The following DYNC1I1 variants were observed in gnomAD, a reference collection of about 807,000 sequenced individuals.
The protein encoded by DYNC1I1 is dynein cytoplasmic 1 intermediate chain 1.
A neutral mutation model predicts 86.6 loss-of-function variants in DYNC1I1; 43 were observed. The observed-to-expected ratio is 0.50, with a 90% CI of 0.39 to 0.64. The LOEUF is 0.64. DYNC1I1 is among the 30% of genes least tolerant of loss of function. The pLI is 0.00. For missense variants in DYNC1I1, 604 were observed against 788.8 expected (o/e 0.77, Z 2.81); for synonymous variants, 262 against 283.7 (o/e 0.92, Z 0.77).
intron 6 of DYNC1I1, among the ~76,000 whole-genome samples, chr7:95,923,199 C>A (rs531992982): frequency 2.0e-5 from 3 of 151,980 alleles, no homozygotes; most frequent in Non-Finnish European, 2.9e-5. Flanking sequence ...TCACCATTTT[C>A]TTTAATTATA....
intron 1 of DYNC1I1, among the ~76,000 whole-genome samples, chr7:95,790,231 G>A (rs1794258843): frequency 6.6e-6 from 1 of 152,160 alleles, no homozygotes; most frequent in Admixed American, 6.6e-5. Flanking sequence ...CCTGTGTCCT[G>A]TGTACCTCTT....
At chr7:95,809,202 T>C (rs1794771802) in intron 2 of DYNC1I1, among the ~76,000 whole-genome samples, 1 of 152,152 alleles carries the variant, frequency 6.6e-6, no homozygotes. Flanking sequence ...CAGAGACATA[T>C]GCAAAGATGC....
At chr7:96,067,162 C>T (rs1051859519) in intron 14 of DYNC1I1, among the ~76,000 whole-genome samples, 1 of 152,020 alleles carries the variant, frequency 6.6e-6, no homozygotes, top group Non-Finnish European at 1.5e-5. Context: ...TAGCTATCAC[C>T]GGCATCTAGA....
intron 4 of DYNC1I1, among the ~76,000 whole-genome samples, chr7:95,820,819 C>T (rs1044606974): frequency 3.3e-5 from 5 of 152,242 alleles, no homozygotes; most frequent in African/African-American, 1.2e-4. Flanking sequence ...CTCAAGTGAT[C>T]CTCCTGCCTC....
intron 4 of DYNC1I1, among the ~76,000 whole-genome samples, chr7:95,817,031 A>G (rs1794962321): frequency 6.6e-6 from 1 of 152,078 alleles, no homozygotes; most frequent in Non-Finnish European, 1.5e-5. Flanking sequence ...TCATCCTCAG[A>G]AAGTGGTGAA....
At chr7:95,939,002 G>C (rs962963331) in intron 6 of DYNC1I1, among the ~76,000 whole-genome samples, 4 of 152,044 alleles carry the variant, frequency 2.6e-5, no homozygotes, top group African/African-American at 4.8e-5. Context: ...TTGTGTCTTT[G>C]TTCTCATTGG....
intron 6 of DYNC1I1, among the ~76,000 whole-genome samples, chr7:95,957,449 C>T (rs888940782): frequency 1.3e-5 from 2 of 151,810 alleles, no homozygotes; most frequent in African/African-American, 4.9e-5. Context: ...TCCCCTCCTC[C>T]TCCTCCTGCT....
At chr7:96,001,184 C>G (rs527372975) in intron 10 of DYNC1I1, among the ~76,000 whole-genome samples, 2 of 152,174 alleles carry the variant, frequency 1.3e-5, no homozygotes, top group Non-Finnish European at 2.9e-5. Flanking sequence ...ACCAGGCTTT[C>G]TCCACTGTGC....
chr7:96,027,767 T>A (rs1794715629), intron 10 of DYNC1I1, among the ~76,000 whole-genome samples: 1 of 152,306 alleles, frequency 6.6e-6, no homozygotes, highest in East Asian at 1.9e-4. Context: ...TAACTTGATG[T>A]GGCCATGCTC....
At chr7:95,883,669 A>G (rs939043129) in intron 6 of DYNC1I1, among the ~76,000 whole-genome samples, 5 of 152,192 alleles carry the variant, frequency 3.3e-5, no homozygotes, top group African/African-American at 1.2e-4. Flanking sequence ...CACCAGCAAT[A>G]TGTTGGCAGT....
intron 16 of DYNC1I1, among the ~76,000 whole-genome samples, chr7:96,093,236 T>C (rs1369263285): frequency 6.6e-6 from 1 of 152,198 alleles, no homozygotes; most frequent in African/African-American, 2.4e-5. Context: ...TTCTTTACTT[T>C]GATTACCTTT....
rs2115827905 is a variant in DYNC1I1 at position 95,810,440 on chromosome 7, G to T, written c.157G>T (p.Asp53Tyr). Residue 53 changes from aspartate (D) to tyrosine (Y), a missense_variant, in exon 3 of 17, where the codon GAT (aspartate) becomes TAT (tyrosine). Coordinates refer to ENST00000447467, the MANE Select transcript of DYNC1I1 (RefSeq NM_001135556.2). ...ACCCGTTCAGGACGACTCTGATCTG[G>T]ATCGCAAACGACGAGAGACAGAGGC... is the stretch of plus-strand genomic sequence containing the variant. Reference protein sequence around the residue: ...KEPVQDDSDLDRKRRETEALL... With the variant: ...KEPVQDDSDLYRKRRETEALL... The T allele has an allele frequency of 6.2e-7, 1 of 1,613,130 alleles. No homozygotes were observed. Among genetic ancestry groups the T allele is most frequent in the Non-Finnish European group, 8.5e-7 (1 of 1,179,428 alleles).
intron 11 of DYNC1I1, 42 bp downstream of exon 11, chr7:96,028,363 C>T (rs1794732391): frequency 6.4e-7 from 1 of 1,560,180 alleles, no homozygotes; most frequent in Non-Finnish European, 8.7e-7. Flanking sequence ...CCGCCAGGCC[C>T]TGAAAGAGAA....
intron 6 of DYNC1I1, among the ~76,000 whole-genome samples, chr7:95,944,003 C>G (rs1377909020): frequency 6.6e-6 from 1 of 152,116 alleles, no homozygotes; most frequent in Non-Finnish European, 1.5e-5. Context: ...GCAATGGCAA[C>G]AAAAGCCAAA....
intron 6 of DYNC1I1, among the ~76,000 whole-genome samples, chr7:95,976,198 G>A (rs2115623374): frequency 6.6e-6 from 1 of 152,290 alleles, no homozygotes; most frequent in African/African-American, 2.4e-5. Context: ...TATGTATAAT[G>A]TGGTTATAAA....
chr7:95,899,983 T>C (rs1790994207), intron 6 of DYNC1I1, among the ~76,000 whole-genome samples: 1 of 152,176 alleles, frequency 6.6e-6, no homozygotes, highest in African/African-American at 2.4e-5. Context: ...ATGTAGGTGC[T>C]CGCCTGTATT....
chr7:96,024,813 T>C (rs1316158643), intron 10 of DYNC1I1, among the ~76,000 whole-genome samples: 5 of 152,126 alleles, frequency 3.3e-5, no homozygotes, highest in African/African-American at 4.8e-5. Context: ...CAAATAGAGG[T>C]AATTGACAGG....
chr7:96,037,339 A>AGCAAAGT (rs1193101528), intron 13 of DYNC1I1, among the ~76,000 whole-genome samples: 1 of 152,216 alleles, frequency 6.6e-6, no homozygotes, highest in African/African-American at 2.4e-5. Context: ...GCCTACTTTG[A>AGCAAAGT]GCAAAGTGCA....
intron 12 of DYNC1I1, among the ~76,000 whole-genome samples, chr7:96,033,988 T>C (rs1223598611): frequency 6.6e-6 from 1 of 151,966 alleles, no homozygotes; most frequent in African/African-American, 2.4e-5. Flanking sequence ...CCAGTCTGGG[T>C]GACGGAGTGA....
Sources: gnomAD v4.1 joint callset for allele counts (sites outside exome capture counted in the v4.1 genomes callset) on GRCh38, gnomAD v4.1.1 for gene constraint, MANE v1.5 for transcripts, NCBI Gene and HGNC (gene_info 2026-07-23, HGNC 2026-07-21) for gene names.